The following FAM110B variants were observed in gnomAD, a reference collection of about 807,000 sequenced individuals.
FAM110B encodes protein FAM110B.
FAM110B carries 6 observed loss-of-function variants against 20.4 expected under a neutral mutation model. That is an observed-to-expected ratio of 0.29 (90% CI 0.16 to 0.58). The LOEUF (loss-of-function observed/expected upper bound fraction) is 0.58, where lower values mean the gene tolerates loss of function less well. FAM110B is among the 20% of genes least tolerant of loss of function. The probability of loss-of-function intolerance (pLI) is 0.90; values close to 1 mark genes in which losing one functional copy is unlikely to be tolerated. For missense variants in FAM110B, 434 were observed against 498.2 expected (o/e 0.87, Z 1.23); for synonymous variants, 226 against 214.1 (o/e 1.06, Z -0.49).
At chr8:58,006,212 T>C (rs6471674) in intron 1 of FAM110B, among the ~76,000 whole-genome samples, 5,079 of 152,276 alleles carry the variant, frequency 0.033, 279 homozygotes, top group African/African-American at 0.11. Context: ...AGAGTTTAGG[T>C]GTCAAGTAGT....
At chr8:58,078,797 G>T (rs377106306) in intron 3 of FAM110B, among the ~76,000 whole-genome samples, 2 of 152,022 alleles carry the variant, frequency 1.3e-5, no homozygotes. Context: ...TGATCCGCCC[G>T]CCTCAGCCTC....
intron 3 of FAM110B, among the ~76,000 whole-genome samples, chr8:58,105,510 G>GCAA (rs1232770425): frequency 1.3e-5 from 2 of 150,988 alleles, no homozygotes; most frequent in Non-Finnish European, 2.9e-5. Context: ...TCTAGCCTGG[G>GCAA]CAACAGGGTG....
chr8:57,995,198 A>C (rs2150559701), intron 1 of FAM110B, among the ~76,000 whole-genome samples: 1 of 151,960 alleles, frequency 6.6e-6, no homozygotes, highest in East Asian at 2.0e-4. Context: ...TGGGCTCCGA[A>C]AGCGCGCCGC....
intron 2 of FAM110B, among the ~76,000 whole-genome samples, chr8:58,056,617 G>C (rs1805551843): frequency 6.6e-6 from 1 of 152,180 alleles, no homozygotes; most frequent in South Asian, 2.1e-4. Context: ...ATGAAGGTTG[G>C]ATTTGCTTTG....
intron 2 of FAM110B, among the ~76,000 whole-genome samples, chr8:58,067,474 A>G (rs989136565): frequency 6.6e-6 from 1 of 152,064 alleles, no homozygotes; most frequent in Non-Finnish European, 1.5e-5. Flanking sequence ...TTCCTCCTCC[A>G]TCCACTGCCC....
chr8:58,022,132 G>C (rs1804768548), intron 1 of FAM110B, among the ~76,000 whole-genome samples: 1 of 152,200 alleles, frequency 6.6e-6, no homozygotes, highest in African/African-American at 2.4e-5. Flanking sequence ...TATTTAGCCT[G>C]TTCATGCACA....
intron 2 of FAM110B, among the ~76,000 whole-genome samples, chr8:58,038,825 C>G (rs1277517001): frequency 6.6e-6 from 1 of 152,128 alleles, no homozygotes; most frequent in Non-Finnish European, 1.5e-5. Context: ...CTCTCTCTAC[C>G]CACCCTTCAG....
chr8:58,115,321 C>T (rs181004917), intron 3 of FAM110B, among the ~76,000 whole-genome samples: 3 of 152,342 alleles, frequency 2.0e-5, no homozygotes, highest in Admixed American at 2.0e-4. Context: ...CGTGAGCACA[C>T]ACGTGCAGAG....
intron 3 of FAM110B, among the ~76,000 whole-genome samples, chr8:58,087,042 T>C (rs1806356836): frequency 6.6e-6 from 1 of 152,246 alleles, no homozygotes; most frequent in Non-Finnish European, 1.5e-5. Context: ...TCTGTGCCTC[T>C]AAACAGTCTT....
chr8:58,146,118 G>T lies in FAM110B; in HGVS notation c.-113G>T. ...GCTGCGGCCGCTGCTGCTGACACTC[G>T]CTCCCAGGCTGCACCCGCCGCCCTT... is the stretch of plus-strand genomic sequence containing the variant. On this transcript the variant is annotated 5_prime_UTR_variant, in exon 4 of 4. Transcript: ENST00000519262. 7.8e-7 allele frequency: 1 copy of T among 1,274,372 alleles called. No homozygotes were observed. The highest frequency in any genetic ancestry group is 1.1e-6 in the Non-Finnish European group (1 of 938,652). The allele number at this position is 1,274,372 out of a possible 1,614,324, so 78.9% of individuals were successfully genotyped here. A position where few individuals can be genotyped will look rare whatever the true frequency, so the allele number is the denominator to read the frequency against.
intron 3 of FAM110B, chr8:58,098,829 T>A (rs1344820490): frequency 6.6e-6 from 1 of 152,304 alleles, no homozygotes; most frequent in African/African-American, 2.4e-5. Flanking sequence ...CGCCCAACCC[T>A]GCTTCTGCTC....
chr8:58,058,603 G>A (rs985139424), intron 2 of FAM110B, among the ~76,000 whole-genome samples: 18 of 152,068 alleles, frequency 1.2e-4, no homozygotes, highest in Middle Eastern at 3.2e-3. Flanking sequence ...GGCACAATAT[G>A]ACATTGAAAT....
At chr8:58,124,682 A>G (rs555260459) in intron 3 of FAM110B, among the ~76,000 whole-genome samples, 1 of 152,330 alleles carries the variant, frequency 6.6e-6, no homozygotes, top group Admixed American at 6.5e-5. Flanking sequence ...ACTGACTTGC[A>G]TATTTAGGTG....
chr8:58,078,197 T>C (rs1339798996), intron 3 of FAM110B, among the ~76,000 whole-genome samples: 1 of 152,238 alleles, frequency 6.6e-6, no homozygotes, highest in Non-Finnish European at 1.5e-5. Context: ...ACTTTGTTTT[T>C]AGAGAACACA....
rs1362235728 is a variant in FAM110B at position 58,131,437 on chromosome 8, T to C, written c.-324-14470T>C. Among the ~76,000 whole-genome samples the C allele has an allele frequency of 2.0e-5, 3 of 152,190 alleles. No homozygotes were observed. In the East Asian group the frequency reaches 5.8e-4, roughly 29 times the overall value. On this transcript the variant is annotated intron_variant, in intron 3 of 3. Coordinates refer to ENST00000519262, the MANE Select transcript of FAM110B (RefSeq NM_001377989.1). The stretch of plus-strand genomic sequence containing the variant: ...CTGCTCCCAGCCCATGCTACTGTTT[T>C]TACCATTGAAAAATAAATATCCTCT...
chr8:58,036,878 G>T (rs1805084247), intron 2 of FAM110B, among the ~76,000 whole-genome samples: 1 of 152,110 alleles, frequency 6.6e-6, no homozygotes, highest in South Asian at 2.1e-4. Flanking sequence ...CAAACCCTAA[G>T]AATTTGAATT....
At chr8:58,059,623 G>C (rs1213222503) in intron 2 of FAM110B, among the ~76,000 whole-genome samples, 2 of 150,970 alleles carry the variant, frequency 1.3e-5, no homozygotes, top group Non-Finnish European at 3.0e-5. Flanking sequence ...TGATTTGTAG[G>C]AGTTTTTTTT....
At chr8:58,111,763 C>A (rs1807064118) in intron 3 of FAM110B, among the ~76,000 whole-genome samples, 1 of 152,150 alleles carries the variant, frequency 6.6e-6, no homozygotes, top group Admixed American at 6.5e-5. Context: ...TGTGTGCAAA[C>A]CCCTCCTTCT....
At chr8:58,003,100 C>T (rs922080462) in intron 1 of FAM110B, among the ~76,000 whole-genome samples, 14 of 152,188 alleles carry the variant, frequency 9.2e-5, no homozygotes, top group African/African-American at 3.1e-4. Context: ...TGTTTGTTGT[C>T]CTTTCAACAG....
Sources: allele counts gnomAD v4.1 joint callset (sites outside exome capture counted in the v4.1 genomes callset), GRCh38; gene constraint gnomAD v4.1.1; transcripts MANE v1.5; gene names NCBI Gene and HGNC (gene_info 2026-07-23, HGNC 2026-07-21).